Variants in SHQ1 observed in about 807,000 individuals in gnomAD.
SHQ1 encodes protein SHQ1 homolog.
In SHQ1, 49 loss-of-function variants were observed where a neutral mutation model predicts 53.8. That is an observed-to-expected ratio of 0.91 (90% CI 0.72 to 1.16). The LOEUF (loss-of-function observed/expected upper bound fraction) is 1.16, where lower values mean the gene tolerates loss of function less well. Among genes scored for constraint, SHQ1 ranks in the 50% most tolerant of loss-of-function variants. The probability of loss-of-function intolerance (pLI) is 0.00; values close to 1 mark genes in which losing one functional copy is unlikely to be tolerated. For missense variants in SHQ1, 738 were observed against 683.1 expected (o/e 1.08, Z -0.90); for synonymous variants, 243 against 251.0 (o/e 0.97, Z 0.30).
chr3:72,753,282 G>A, intron 10 of SHQ1: 1 of 985,412 alleles, frequency 1.0e-6, no homozygotes, highest in Admixed American at 6.1e-5. Flanking sequence ...GAGTTTACAA[G>A]ATAAATTCAT....
intron 2 of SHQ1, among the ~76,000 whole-genome samples, chr3:72,844,025 A>T (rs962347481): frequency 6.6e-6 from 1 of 152,238 alleles, no homozygotes; most frequent in East Asian, 1.9e-4. Flanking sequence ...TTCCATTCAT[A>T]AGCTCATAAG....
chr3:72,837,457 C>A (rs945096840), intron 4 of SHQ1, among the ~76,000 whole-genome samples: 8 of 151,926 alleles, frequency 5.3e-5, no homozygotes, highest in Non-Finnish European at 1.0e-4. Context: ...TTTTTACTTT[C>A]TTCTTTGTAT....
chr3:72,757,381 CT>C (rs779724149), intron 10 of SHQ1, among the ~76,000 whole-genome samples: 1,649 of 134,882 alleles, frequency 0.012, 13 homozygotes, highest in African/African-American at 0.031. Flanking sequence ...CTTCTCTTTC[CT>C]TTTTTTTTTT....
intron 10 of SHQ1, among the ~76,000 whole-genome samples, chr3:72,779,851 C>G (rs1234296724): frequency 6.6e-6 from 1 of 152,218 alleles, no homozygotes; most frequent in Non-Finnish European, 1.5e-5. Context: ...CTGACCTATA[C>G]AGAAGATGGA....
chr3:72,845,213 G>A (rs1708293858), intron 1 of SHQ1, among the ~76,000 whole-genome samples: 2 of 152,200 alleles, frequency 1.3e-5, no homozygotes, highest in South Asian at 2.1e-4. Flanking sequence ...GCTGGGCGTG[G>A]TGGCTTACGC....
intron 5 of SHQ1, among the ~76,000 whole-genome samples, chr3:72,827,920 A>G (rs534455548): frequency 2.0e-5 from 3 of 151,690 alleles, no homozygotes; most frequent in East Asian, 3.9e-4. Flanking sequence ...ATGCCCAGCT[A>G]ATTTTTTTGT....
In SHQ1 at chr3:72,835,099, T is replaced by A. The variant is rs1239367213; in HGVS notation, c.487-2618A>T. 4.7e-5 allele frequency among the ~76,000 whole-genome samples: 7 copies of A among 149,076 alleles called. No individual in the cohort carries two copies. In the South Asian group the frequency reaches 1.1e-3, roughly 23 times the overall value. Reference sequence around the variant, plus strand: ...CCCACATCATAATACCATTCCTCCATCAGCTTCTTTTTTTTTTTTTTTTTT... The same window carrying A: ...CCCACATCATAATACCATTCCTCCAACAGCTTCTTTTTTTTTTTTTTTTTT... On this transcript the variant is annotated intron_variant, in intron 4 of 10. Transcript: ENST00000325599.
intron 9 of SHQ1, among the ~76,000 whole-genome samples, chr3:72,797,421 A>G (rs999615343): frequency 6.6e-6 from 1 of 152,176 alleles, no homozygotes; most frequent in African/African-American, 2.4e-5. Context: ...ATTCTTTTCT[A>G]TACTTTCCTC....
chr3:72,728,919 A>C, the SHQ1 span, among the ~76,000 whole-genome samples: 1 of 152,226 alleles, frequency 6.6e-6, no homozygotes, highest in Non-Finnish European at 1.5e-5. Context: ...GGTCAGTGCC[A>C]TGCTGTTGTT....
intron 4 of SHQ1, among the ~76,000 whole-genome samples, chr3:72,840,648 C>T (rs78285326): frequency 1.2e-3 from 189 of 152,012 alleles, no homozygotes; most frequent in African/African-American, 4.0e-3. Context: ...ATCTCATTCT[C>T]GCCAGGAACA....
intron 9 of SHQ1, among the ~76,000 whole-genome samples, chr3:72,801,139 AT>A (rs111941104): frequency 5.3e-5 from 6 of 113,358 alleles, no homozygotes; most frequent in African/African-American, 4.4e-4. Flanking sequence ...AAGGTAGAAC[AT>A]TAAAAAAAAA....
intron 4 of SHQ1, among the ~76,000 whole-genome samples, chr3:72,834,770 T>C (rs1707937994): frequency 6.6e-6 from 1 of 152,226 alleles, no homozygotes; most frequent in Admixed American, 6.5e-5. Flanking sequence ...GTTCTGGATC[T>C]ACATCTCAGC....
chr3:72,757,345 C>G (rs1705516713), intron 10 of SHQ1, among the ~76,000 whole-genome samples: 1 of 151,142 alleles, frequency 6.6e-6, no homozygotes, highest in African/African-American at 2.4e-5. Flanking sequence ...CAGGTTCTAT[C>G]TGGGACCAAA....
chr3:72,774,732 T>G (rs1333113627), intron 10 of SHQ1, among the ~76,000 whole-genome samples: 1 of 152,158 alleles, frequency 6.6e-6, no homozygotes, highest in East Asian at 1.9e-4. Flanking sequence ...ACATGCAGAA[T>G]CTAACAAACT....
chr3:72,813,881 G>C (rs1187431185), intron 8 of SHQ1, among the ~76,000 whole-genome samples: 5 of 77,556 alleles, frequency 6.4e-5, no homozygotes, highest in African/African-American at 2.5e-4. Context: ...ACATTTACTT[G>C]AGTAATTTGC....
chr3:72,825,361 T>TACATACAC (rs953784513), intron 5 of SHQ1, among the ~76,000 whole-genome samples: 1 of 141,874 alleles, frequency 7.0e-6, no homozygotes, highest in African/African-American at 2.6e-5. Flanking sequence ...TAAAAGGGGC[T>TACATACAC]ACACACACAC....
chr3:72,770,982 C>A (rs1380204340), intron 10 of SHQ1, among the ~76,000 whole-genome samples: 1 of 152,190 alleles, frequency 6.6e-6, no homozygotes, highest in Non-Finnish European at 1.5e-5. Flanking sequence ...CTCCTGTAGT[C>A]TCTTTATGGG....
At position 72,750,693 on chromosome 3, in the gene SHQ1, ACTGAAT is replaced by A; in HGVS notation, c.1319_1324del (p.His440_Val442delinsLeu). 1 of 1,598,222 alleles carries A rather than the reference ACTGAAT, an allele frequency of 6.3e-7. No individual in the cohort carries two copies. Among genetic ancestry groups the A allele is most frequent in the Non-Finnish European group, 8.5e-7 (1 of 1,171,458 alleles). ...GGAGCAAAGTGTCTGCTGCCCAGAA[ACTGAAT>A]GGGCTGCTTTTAATGCAGTTTCTTC... On this transcript the variant is annotated inframe_deletion, in exon 11 of 11. Coordinates refer to ENST00000325599, the MANE Select transcript of SHQ1 (RefSeq NM_018130.3).
intron 3 of SHQ1, among the ~76,000 whole-genome samples, chr3:72,841,519 C>T (rs1039355494): frequency 1.3e-5 from 2 of 152,136 alleles, no homozygotes; most frequent in East Asian, 1.9e-4. Context: ...ACATATGCAA[C>T]GTAAAAACAG....
Sources: gnomAD v4.1 joint callset for allele counts (sites outside exome capture counted in the v4.1 genomes callset) on GRCh38, gnomAD v4.1.1 for gene constraint, MANE v1.5 for transcripts, NCBI Gene and HGNC (gene_info 2026-07-23, HGNC 2026-07-21) for gene names.